The following DAAM2 variants were observed in gnomAD, a reference collection of about 807,000 sequenced individuals.
The protein encoded by DAAM2 is dishevelled associated activator of morphogenesis 2, also known as disheveled-associated activator of morphogenesis 2.
Under a neutral mutation model 120.7 loss-of-function variants are expected in DAAM2, and 39 were observed. The ratio of observed to expected loss-of-function variants is 0.32; its 90% CI spans 0.25 to 0.42. The LOEUF (loss-of-function observed/expected upper bound fraction) is 0.42. Ranked by LOEUF, DAAM2 falls within the 10% of genes least tolerant of loss-of-function variation. The probability of loss-of-function intolerance (pLI) is 1.00; values close to 1 mark genes in which losing one functional copy is unlikely to be tolerated. For synonymous variants in DAAM2, 488 were observed against 524.9 expected (o/e 0.93, Z 0.96); for missense variants, 1,283 against 1,401.7 (o/e 0.92, Z 1.35).
In DAAM2 at chr6:39,891,639, A is replaced by G. The variant is rs200287086; in HGVS notation, c.2258A>G (p.Asp753Gly). 2.6e-3 allele frequency: 4,237 copies of G among 1,611,084 alleles called. 9 individuals carry two copies. Among genetic ancestry groups the G allele is most frequent in the Non-Finnish European group, 3.4e-3 (4,058 of 1,178,608 alleles). Residue 753 changes from aspartate to glycine, a missense_variant, in exon 19 of 25, where the codon GAC (aspartate) becomes GGC (glycine). This residue lies in a region of DAAM2 where 748 missense variants were observed against 768.6 expected (regional missense o/e 0.97). Coordinates refer to ENST00000274867, the MANE Select transcript of DAAM2 (RefSeq NM_001201427.2). ...ATGGTTCACCTTGTCTACAGGATTG[A>G]CCACTACCAGCAGCGACTGCAAGCC... ...DRFLYEMSRIDHYQQRLQALF... is the reference protein window; with the variant it reads ...DRFLYEMSRIGHYQQRLQALF...
chr6:39,799,283 T>C (rs1761792410), intron 1 of DAAM2, among the ~76,000 whole-genome samples: 1 of 152,190 alleles, frequency 6.6e-6, no homozygotes, highest in South Asian at 2.1e-4. Context: ...TTGTCTTCTG[T>C]AGGCTTTTCA....
intron 9 of DAAM2, 145 bp downstream of exon 9, chr6:39,871,717 C>A: frequency 1.5e-6 from 1 of 649,176 alleles, no homozygotes; most frequent in Admixed American, 2.7e-5. Context: ...GTCCTGTGAT[C>A]AGTCATAGTT....
rs1159518893 is a variant in DAAM2 at position 39,883,183 on chromosome 6, GCTT to G, written c.1846-778_1846-776del. Reference sequence around the variant, plus strand: ...AGCAGGGTGCTACGAGACTGCCAGGGCTTTTTTTTTTTTTTTTGGCTTGACTAA... The same window carrying G: ...AGCAGGGTGCTACGAGACTGCCAGGGTTTTTTTTTTTTTTGGCTTGACTAA... On this transcript the variant is annotated intron_variant, in intron 14 of 24. Transcript: ENST00000274867. Among the ~76,000 whole-genome samples the G allele has an allele frequency of 1.5e-3, 124 of 84,508 alleles. 2 individuals are homozygous for G. Among genetic ancestry groups the G allele is most frequent in the Middle Eastern group, 7.1e-3 (1 of 140 alleles). 55.4% of individuals were successfully genotyped at this position (84,508 alleles called of 152,430 possible).
chr6:39,831,458 AT>A (rs1762884887), intron 1 of DAAM2, among the ~76,000 whole-genome samples: 1 of 151,998 alleles, frequency 6.6e-6, no homozygotes, highest in African/African-American at 2.4e-5. Flanking sequence ...TTTGAGGCAG[AT>A]TACTATTATT....
intron 2 of DAAM2, among the ~76,000 whole-genome samples, chr6:39,857,941 G>A (rs1764071499): frequency 6.6e-6 from 1 of 152,062 alleles, no homozygotes; most frequent in Admixed American, 6.5e-5. Flanking sequence ...ATGAGTGCTA[G>A]GACAGGGAGC....
rs763775864 is a variant in DAAM2, at chr6:39,902,043, G to C, written c.*6G>C. 15 of 1,595,080 alleles carry C rather than the reference G, an allele frequency of 9.4e-6. No homozygotes were observed. Among genetic ancestry groups the C allele is most frequent in the Middle Eastern group, 1.7e-4 (1 of 5,978 alleles). On this transcript the variant is annotated 3_prime_UTR_variant, in exon 25 of 25. Coordinates refer to ENST00000274867, the MANE Select transcript of DAAM2 (RefSeq NM_001201427.2). ...TAAACCGGCTAAATTATTGACCTGG[G>C]GAACTAGCCACACAGGAGGCCGGGA...
chr6:39,845,920 A>G (rs116588103), intron 1 of DAAM2, among the ~76,000 whole-genome samples: 3,245 of 152,144 alleles, frequency 0.021, 130 homozygotes, highest in African/African-American at 0.073. Context: ...TCAGGAATGC[A>G]GAATAACTCG....
At chr6:39,879,499 G>A (rs772633008) in intron 14 of DAAM2, 22 bp downstream of exon 14, 2 of 1,613,988 alleles carry the variant, frequency 1.2e-6, no homozygotes, top group Non-Finnish European at 1.7e-6. Flanking sequence ...GGAAGGGGCT[G>A]GAGGGCCCAT....
intron 1 of DAAM2, among the ~76,000 whole-genome samples, chr6:39,853,536 G>A (rs2149277643): frequency 6.6e-6 from 1 of 152,278 alleles, no homozygotes; most frequent in Middle Eastern, 3.4e-3. Flanking sequence ...AACAGGTATG[G>A]CACAGGCCCT....
chr6:39,887,652 G>A (rs1407384802), intron 16 of DAAM2, 60 bp downstream of exon 16: 9 of 1,141,136 alleles, frequency 7.9e-6, no homozygotes, highest in African/African-American at 6.1e-5. Flanking sequence ...GTGGAGGAAC[G>A]GAGTGGTGGC....
chr6:39,898,757 AC>A, intron 21 of DAAM2, 119 bp from the exon 22 acceptor site: 1 of 821,180 alleles, frequency 1.2e-6, no homozygotes. Flanking sequence ...CAGGGCTGGA[AC>A]CCAGGCTCAC....
At chr6:39,832,331 G>A (rs1348343307) in intron 1 of DAAM2, among the ~76,000 whole-genome samples, 1 of 151,966 alleles carries the variant, frequency 6.6e-6, no homozygotes, top group Non-Finnish European at 1.5e-5. Context: ...TGAGCCCTCC[G>A]AGGACTCAGA....
intron 1 of DAAM2, among the ~76,000 whole-genome samples, chr6:39,813,106 T>C (rs1561998603): frequency 6.6e-6 from 1 of 151,858 alleles, no homozygotes; most frequent in Non-Finnish European, 1.5e-5. Flanking sequence ...ACTAACCGGA[T>C]GACATTTTCC....
In DAAM2 at chr6:39,902,716, C is replaced by A; in HGVS notation, c.*679C>A. The A allele has an allele frequency of 6.6e-6, 1 of 152,536 alleles. No individual in the cohort carries two copies. The allele number at this position is 152,536 out of a possible 1,614,324, so 9.4% of individuals were successfully genotyped here. ...CCCTGCATGTCTTAAGTATCTTTCC[C>A]TTCCTTCTCTACCCTCACCTCCATC... On this transcript the variant is annotated 3_prime_UTR_variant, in exon 25 of 25. Coordinates refer to ENST00000274867, the MANE Select transcript of DAAM2 (RefSeq NM_001201427.2).
chr6:39,816,013 C>T (rs1289584727), intron 1 of DAAM2, among the ~76,000 whole-genome samples: 1 of 152,226 alleles, frequency 6.6e-6, no homozygotes, highest in Non-Finnish European at 1.5e-5. Context: ...ATGCTGGATT[C>T]CTCCCTCATA....
intron 14 of DAAM2, 70 bp downstream of exon 14, chr6:39,879,547 G>T: frequency 1.3e-6 from 2 of 1,596,034 alleles, no homozygotes; most frequent in Middle Eastern, 3.3e-4. Flanking sequence ...GGGACCACCC[G>T]CCCCTTGTTT....
intron 10 of DAAM2, 56 bp from the exon 11 acceptor site, chr6:39,875,274 G>C: frequency 1.3e-6 from 2 of 1,575,488 alleles, no homozygotes; most frequent in Non-Finnish European, 1.7e-6. Context: ...ACTCTAGGGT[G>C]GGGCCCAAGG....
chr6:39,854,778 G>T (rs1763936672), intron 1 of DAAM2, among the ~76,000 whole-genome samples: 2 of 152,106 alleles, frequency 1.3e-5, no homozygotes, highest in Non-Finnish European at 2.9e-5. Flanking sequence ...AGGGCTTTAG[G>T]GGAAATCTCT....
chr6:39,856,119 T>TGGGGGGGGGGGGGGGCCGGGGGGGGGGGG, intron 1 of DAAM2, 128 bp from the exon 2 acceptor site: 1 of 509,086 alleles, frequency 2.0e-6, no homozygotes, highest in Non-Finnish European at 2.8e-6. Context: ...GCGGGGTGGG[T>TGGGGGGGGGGGGGGGCCGGGGGGGGGGGG]GGGGCTTTGC....
Sources: allele counts gnomAD v4.1 joint callset (sites outside exome capture counted in the v4.1 genomes callset), GRCh38; gene constraint gnomAD v4.1.1; regional missense constraint gnomAD v4.1.1; transcripts MANE v1.5; gene names NCBI Gene and HGNC (gene_info 2026-07-23, HGNC 2026-07-21).